The following CYP19A1 variants were observed in gnomAD, a reference collection of about 807,000 sequenced individuals.
CYP19A1 encodes aromatase.
Under a neutral mutation model 44.4 loss-of-function variants are expected in CYP19A1, and 32 were observed. That is an observed-to-expected ratio of 0.72 (90% CI 0.54 to 0.97). The LOEUF is 0.97. CYP19A1 is among the 50% of genes least tolerant of loss of function. The pLI, the probability that CYP19A1 is intolerant of heterozygous loss-of-function variation, is 0.00. For synonymous variants in CYP19A1, 212 were observed against 215.6 expected, an observed-to-expected ratio of 0.98 and a Z score of 0.14; for missense variants, 598 against 637.8, an observed-to-expected ratio of 0.94 and a Z score of 0.67.
At chr15:51,235,817 A>C (rs924185797) in intron 3 of CYP19A1, among the ~76,000 whole-genome samples, 1 of 152,230 alleles carries the variant, frequency 6.6e-6, no homozygotes, top group Non-Finnish European at 1.5e-5. Flanking sequence ...ATTCTAACAA[A>C]TTGGTAAAAC....
At chr15:51,261,183 A>T (rs1236085734) in intron 1 of CYP19A1, among the ~76,000 whole-genome samples, 3 of 152,116 alleles carry the variant, frequency 2.0e-5, no homozygotes, top group African/African-American at 7.2e-5. Flanking sequence ...CTCTTCCATG[A>T]CCCACGGCTT....
chr15:51,321,218 C>T (rs1383122696), intron 1 of CYP19A1, among the ~76,000 whole-genome samples: 1 of 152,192 alleles, frequency 6.6e-6, no homozygotes, highest in Non-Finnish European at 1.5e-5. Context: ...CCCACCAGTG[C>T]CTCTCCATTG....
intron 1 of CYP19A1, among the ~76,000 whole-genome samples, chr15:51,292,365 T>C (rs1171165750): frequency 6.6e-6 from 1 of 152,208 alleles, no homozygotes; most frequent in East Asian, 1.9e-4. Context: ...GCAGAATAAT[T>C]TATTTCAACA....
chr15:51,263,853 AG>A (rs1166573980), intron 1 of CYP19A1, among the ~76,000 whole-genome samples: 1 of 152,252 alleles, frequency 6.6e-6, no homozygotes, highest in African/African-American at 2.4e-5. Flanking sequence ...TAAACCTGCT[AG>A]GCAGTGTGGA....
At chr15:51,222,876 T>C (rs2032233280) in intron 4 of CYP19A1, among the ~76,000 whole-genome samples, 1 of 152,344 alleles carries the variant, frequency 6.6e-6, no homozygotes, top group South Asian at 2.1e-4. Context: ...GATTTTTTCA[T>C]ATTTATTGCA....
At chr15:51,301,334 G>GC (rs2036107310) in intron 1 of CYP19A1, among the ~76,000 whole-genome samples, 2 of 152,196 alleles carry the variant, frequency 1.3e-5, no homozygotes, top group East Asian at 3.8e-4. Flanking sequence ...ATAAAACTGA[G>GC]ATAGCACAAA....
chr15:51,268,981 C>T (rs1232093321), intron 1 of CYP19A1, among the ~76,000 whole-genome samples: 2 of 151,980 alleles, frequency 1.3e-5, no homozygotes, highest in African/African-American at 4.8e-5. Flanking sequence ...AATACTTTAT[C>T]TTAGTCTGTG....
intron 1 of CYP19A1, among the ~76,000 whole-genome samples, chr15:51,310,574 A>G (rs772159896): frequency 1.6e-4 from 24 of 152,326 alleles, no homozygotes; most frequent in Non-Finnish European, 2.8e-4. Context: ...CTTGAGCACT[A>G]AAATCTCAAG....
chr15:51,262,411 G>A (rs1430761187), intron 1 of CYP19A1, among the ~76,000 whole-genome samples: 5 of 152,120 alleles, frequency 3.3e-5, no homozygotes, highest in Non-Finnish European at 7.3e-5. Flanking sequence ...CACTGGGTTA[G>A]GGTCTCCCCA....
intron 1 of CYP19A1, chr15:51,280,113 CCTT>C (rs1459826231): frequency 2.7e-5 from 4 of 150,422 alleles, no homozygotes; most frequent in Admixed American, 2.0e-4. Context: ...AAAAGCCTGC[CCTT>C]CTTTTTTTTT....
At chr15:51,314,287 A>G (rs1595779547) in intron 1 of CYP19A1, among the ~76,000 whole-genome samples, 1 of 152,118 alleles carries the variant, frequency 6.6e-6, no homozygotes, top group South Asian at 2.1e-4. Flanking sequence ...CATGGGGACT[A>G]GACCACAGCA....
chr15:51,252,099 G>A (rs1367927955), intron 1 of CYP19A1, among the ~76,000 whole-genome samples: 2 of 152,158 alleles, frequency 1.3e-5, no homozygotes, highest in Non-Finnish European at 2.9e-5. Flanking sequence ...GTGCCTGTAG[G>A]CCCAGGTATG....
At chr15:51,253,270 T>C (rs929757647) in intron 1 of CYP19A1, among the ~76,000 whole-genome samples, 1 of 152,238 alleles carries the variant, frequency 6.6e-6, no homozygotes, top group Non-Finnish European at 1.5e-5. Context: ...AAACTTATTA[T>C]GATTCAGTCT....
chr15:51,276,741 C>CA (rs1320217480), intron 1 of CYP19A1, among the ~76,000 whole-genome samples: 2 of 152,178 alleles, frequency 1.3e-5, no homozygotes, highest in East Asian at 3.8e-4. Flanking sequence ...AAAGTCTCCA[C>CA]AAAAATGAAT....
At chr15:51,298,889 C>T (rs1255299247) in intron 1 of CYP19A1, among the ~76,000 whole-genome samples, 3 of 151,556 alleles carry the variant, frequency 2.0e-5, no homozygotes, top group South Asian at 4.2e-4. Flanking sequence ...GGGATCACTG[C>T]TTTTCCTTAA....
At position 51,320,768 on chromosome 15, in the gene CYP19A1, A is replaced by T. The variant is rs566800695; in HGVS notation, c.-39+17727T>A. Among the ~76,000 whole-genome samples, 27 of 152,366 alleles carry T rather than the reference A, an allele frequency of 1.8e-4. No homozygotes were observed. The South Asian group carries it at 5.2e-3, about 29-fold the overall frequency. On this transcript the variant is annotated intron_variant, in intron 1 of 9. Coordinates refer to ENST00000396402, the MANE Select transcript of CYP19A1 (RefSeq NM_000103.4). ...AATGTGAGCCATGTAAGTAATCTTA[A>T]ATTGTGTAACACACATATTAAAAAG...
At chr15:51,227,617 C>G (rs2032690050) in intron 4 of CYP19A1, among the ~76,000 whole-genome samples, 162 bp downstream of exon 4, 1 of 151,286 alleles carries the variant, frequency 6.6e-6, no homozygotes. Flanking sequence ...TTACAGTGAG[C>G]CAAGGTCGTG....
intron 4 of CYP19A1, among the ~76,000 whole-genome samples, chr15:51,226,378 T>C (rs1371195323): frequency 6.6e-6 from 1 of 152,230 alleles, no homozygotes; most frequent in Non-Finnish European, 1.5e-5. Context: ...GTCAGACTTC[T>C]GACCTACAGA....
chr15:51,302,427 C>G (rs2095579876), intron 1 of CYP19A1, among the ~76,000 whole-genome samples: 1 of 152,210 alleles, frequency 6.6e-6, no homozygotes, highest in African/African-American at 2.4e-5. Flanking sequence ...TTTAACTGCC[C>G]TCAGAGGGCC....
Sources: allele counts gnomAD v4.1 joint callset (sites outside exome capture counted in the v4.1 genomes callset), GRCh38; gene constraint gnomAD v4.1.1; transcripts MANE v1.5; gene names NCBI Gene and HGNC (gene_info 2026-07-23, HGNC 2026-07-21).